The following IQGAP1 variants were observed in gnomAD, a reference collection of about 807,000 sequenced individuals.
IQGAP1 encodes IQ motif containing GTPase activating protein 1.
In IQGAP1, 66 loss-of-function variants were observed where a neutral mutation model predicts 215.6. The ratio of observed to expected loss-of-function variants is 0.31; its 90% CI spans 0.25 to 0.38. The LOEUF is 0.38. IQGAP1 is among the 10% of genes least tolerant of loss of function. The pLI, the probability that IQGAP1 is intolerant of heterozygous loss-of-function variation, is 1.00. For missense variants in IQGAP1, 1,712 were observed against 1,997.1 expected, an observed-to-expected ratio of 0.86 and a Z score of 2.72; for synonymous variants, 772 against 728.7, an observed-to-expected ratio of 1.06 and a Z score of -0.96.
intron 1 of IQGAP1, among the ~76,000 whole-genome samples, chr15:90,388,684 T>A (rs1331334638): frequency 1.3e-5 from 2 of 151,980 alleles, no homozygotes; most frequent in African/African-American, 4.8e-5. Context: ...TCGGCCGAGA[T>A]TGGGGAAGAC....
chr15:90,467,663 G>C, intron 18 of IQGAP1, 71 bp downstream of exon 18: 167 of 1,419,992 alleles, frequency 1.2e-4, no homozygotes, highest in Middle Eastern at 2.2e-4. Flanking sequence ...TAATTAAGAG[G>C]AACAGGGCAT....
rs745939450 is a variant in IQGAP1, at chr15:90,494,759, A to G, written c.4675A>G (p.Ile1559Val). ...AATGAAAGGAAAGAAAAGCAAAAAG[A>G]TTTCTCTGAAATATACAGCAGCAAG... ...REMKGKKSKKISLKYTAARLH... is the reference protein window; with the variant it reads ...REMKGKKSKKVSLKYTAARLH... The change falls in exon 36 of 38, where the codon ATT (isoleucine) becomes GTT (valine). Residue 1559 changes from isoleucine to valine, a missense_variant. Ile to Val is a conservative substitution (Grantham distance 29). Coordinates refer to ENST00000268182, the MANE Select transcript of IQGAP1 (RefSeq NM_003870.4). 5 of 1,610,008 alleles carry G rather than the reference A, an allele frequency of 3.1e-6. No individual in the cohort carries two copies. The highest frequency in any genetic ancestry group is 2.2e-5 in the East Asian group (1 of 44,686).
At chr15:90,390,683 G>C (rs1964622909) in intron 1 of IQGAP1, 91 bp from the exon 2 acceptor site, 1 of 832,028 alleles carries the variant, frequency 1.2e-6, no homozygotes, top group African/African-American at 1.7e-5. Flanking sequence ...GACTTTCTAG[G>C]TGAGTGGCAG....
chr15:90,455,293 T>G (rs1224732347), intron 14 of IQGAP1, among the ~76,000 whole-genome samples: 1 of 152,210 alleles, frequency 6.6e-6, no homozygotes, highest in African/African-American at 2.4e-5. Context: ...CTCTGCTCCC[T>G]GGAGAATGGG....
intron 2 of IQGAP1, among the ~76,000 whole-genome samples, chr15:90,396,712 A>C (rs948542974): frequency 1.2e-4 from 19 of 152,164 alleles, no homozygotes; most frequent in Non-Finnish European, 2.2e-4. Context: ...AGTGGGTTGC[A>C]TTTAAAAGTG....
chr15:90,495,953 A>T (rs548032191), intron 36 of IQGAP1, among the ~76,000 whole-genome samples: 21 of 149,072 alleles, frequency 1.4e-4, no homozygotes, highest in African/African-American at 3.7e-4. Context: ...ATTATTATTT[A>T]TTATTATAGG....
In IQGAP1 at chr15:90,485,953, A is replaced by T. The variant is rs950285742; in HGVS notation, c.3922-77A>T. 10 of 1,091,406 alleles carry T rather than the reference A, an allele frequency of 9.2e-6. No homozygotes were observed. The African/African-American group carries it at 1.6e-4, about 17-fold the overall frequency. The allele number at this position is 1,091,406 out of a possible 1,614,324, so 67.6% of individuals were successfully genotyped here. A position where few individuals can be genotyped will look rare whatever the true frequency, so the allele number is the denominator to read the frequency against. On this transcript the variant is annotated intron_variant, in intron 30 of 37. Transcript: ENST00000268182. ...ACTTTGTTGGAACCTCTTTGTGCAG[A>T]TCATTGTTAGACATTCTAGGGAGGG...
rs58903853 is a variant in IQGAP1, at chr15:90,410,843, TAAAA to T, written c.156-15255_156-15252del. On this transcript the variant is annotated intron_variant, in intron 2 of 37. Transcript: ENST00000268182. ...ATGTACCCTAGAACTTAAAGTATAA[TAAAA>T]AAAAAAAAAAAGAAAAAACATTCCC... Among the ~76,000 whole-genome samples the T allele has an allele frequency of 6.6e-3, 832 of 126,696 alleles. 5 individuals are homozygous for T. Among genetic ancestry groups the T allele is most frequent in the African/African-American group, 0.02 (758 of 37,060 alleles). The allele number at this position is 126,696 out of a possible 152,430, so 83.1% of individuals were successfully genotyped here.
At chr15:90,442,364 C>G (rs57962570) in intron 8 of IQGAP1, among the ~76,000 whole-genome samples, 55,093 of 151,198 alleles carry the variant, frequency 0.36, 10,648 homozygotes, top group East Asian at 0.67. Context: ...GCTGAGGCAG[C>G]AGAATCTATT....
At position 90,466,383 on chromosome 15, in the gene IQGAP1, G is replaced by A. The variant is rs888739893; in HGVS notation, c.1982G>A (p.Gly661Asp). 8 of 1,614,166 alleles carry A rather than the reference G, an allele frequency of 5.0e-6. No homozygotes were observed. Among genetic ancestry groups the A allele is most frequent in the Admixed American group, 1.7e-5 (1 of 60,014 alleles). ...TTGTATGGAGTCATCCCTGAGTGTG[G>A]TGAAACTTACCACAGTGATCTTGCT... is the stretch of plus-strand genomic sequence containing the variant. ...VGLYGVIPEC[G>D]ETYHSDLAEA... The change falls in exon 17 of 38, where the codon GGT (glycine) becomes GAT (aspartate). Residue 661 changes from glycine (G) to aspartate (D), a missense_variant. By Grantham distance (94) the Gly-to-Asp change is moderately conservative (BLOSUM62 -1). Coordinates refer to ENST00000268182, the MANE Select transcript of IQGAP1 (RefSeq NM_003870.4).
chr15:90,398,658 G>T (rs1212136754), intron 2 of IQGAP1, among the ~76,000 whole-genome samples: 1 of 152,094 alleles, frequency 6.6e-6, no homozygotes, highest in East Asian at 1.9e-4. Flanking sequence ...ACTGATGTTA[G>T]CTTACAGTTG....
At position 90,494,746 on chromosome 15, in the gene IQGAP1, G is replaced by A; in HGVS notation, c.4662G>A (p.Lys1554=). 6.2e-7 allele frequency: 1 copy of A among 1,609,590 alleles called. No homozygotes were observed. The highest frequency in any genetic ancestry group is 8.5e-7 in the Non-Finnish European group (1 of 1,177,690). Residue 1554 remains lysine, a synonymous_variant, in exon 36 of 38, where the codon AAG becomes AAA. Transcript: ENST00000268182. ...VSKKPREMKG[K]KSKKISLKYT... ...AAAAGCCTAGGGAAATGAAAGGAAA[G>A]AAAAGCAAAAAGATTTCTCTGAAAT...
chr15:90,467,323 C>A, intron 17 of IQGAP1, 127 bp from the exon 18 acceptor site: 1 of 876,770 alleles, frequency 1.1e-6, no homozygotes, highest in Non-Finnish European at 1.7e-6. Context: ...TCTCACAGAT[C>A]CAAGGAGCAG....
chr15:90,414,713 G>A (rs1370882442), intron 2 of IQGAP1, among the ~76,000 whole-genome samples: 3 of 152,016 alleles, frequency 2.0e-5, no homozygotes, highest in African/African-American at 7.3e-5. Flanking sequence ...CTTTCTCTGT[G>A]GGCTTATCTA....
intron 2 of IQGAP1, 29 bp downstream of exon 2, chr15:90,390,902 T>C (rs546146042): frequency 7.7e-7 from 1 of 1,298,322 alleles, no homozygotes; most frequent in Non-Finnish European, 1.1e-6. Flanking sequence ...GAGAGAAGAT[T>C]AAGAGAAGGG....
Position 90,472,900 on chromosome 15 carries a change from G to A in IQGAP1, c.2239G>A (p.Gly747Ser). The stretch of plus-strand genomic sequence containing the variant: ...AGAACAGCTGTGGCTGGCCAATGAA[G>A]GCCTGATCACCAGGCTGCAGGCTCG... ...NREQLWLANE[G>S]LITRLQARCR... Residue 747 changes from glycine to serine, a missense_variant, in exon 19 of 38, where the codon GGC becomes AGC. By Grantham distance (56) the Gly-to-Ser change is moderately conservative (BLOSUM62 0). Transcript: ENST00000268182. The A allele has an allele frequency of 6.2e-7, 1 of 1,613,856 alleles. No individual in the cohort carries two copies. The highest frequency in any genetic ancestry group is 8.5e-7 in the Non-Finnish European group (1 of 1,179,916).
intron 15 of IQGAP1, among the ~76,000 whole-genome samples, chr15:90,456,713 TAAAA>T (rs59435003): frequency 7.8e-6 from 1 of 127,984 alleles, no homozygotes. Flanking sequence ...TCATCTCTAC[TAAAA>T]AAAAAAAAAA....
intron 15 of IQGAP1, among the ~76,000 whole-genome samples, chr15:90,464,495 A>G (rs1407049003): frequency 6.6e-6 from 1 of 152,174 alleles, no homozygotes; most frequent in Non-Finnish European, 1.5e-5. Flanking sequence ...AGTAGTGACT[A>G]CCTGGGGCTA....
chr15:90,420,687 T>C (rs1405852523), intron 2 of IQGAP1, among the ~76,000 whole-genome samples: 3 of 152,184 alleles, frequency 2.0e-5, no homozygotes, highest in Non-Finnish European at 4.4e-5. Context: ...TGAGAATTGG[T>C]GAAAAGTTGT....
Sources: allele counts gnomAD v4.1 joint callset (sites outside exome capture counted in the v4.1 genomes callset), GRCh38; gene constraint gnomAD v4.1.1; transcripts MANE v1.5; gene names NCBI Gene and HGNC (gene_info 2026-07-23, HGNC 2026-07-21).